STX3: variants seen among roughly 807,000 people sequenced by gnomAD.
The protein encoded by STX3 is syntaxin 3, also known as syntaxin-3.
In STX3, 19 loss-of-function variants were observed where a neutral mutation model predicts 40.2. The observed-to-expected ratio is 0.47, with a 90% CI of 0.33 to 0.69. The LOEUF (loss-of-function observed/expected upper bound fraction) is 0.69, where lower values mean the gene tolerates loss of function less well. STX3 is among the 30% of genes least tolerant of loss of function. STX3 has a pLI of 0.02. For synonymous variants in STX3, 122 were observed against 132.2 expected (o/e 0.92, Z 0.53); for missense variants, 364 against 366.7 (o/e 0.99, Z 0.06).
intron 1 of STX3, among the ~76,000 whole-genome samples, chr11:59,763,476 G>A (rs1258830749): frequency 2.0e-5 from 3 of 152,118 alleles, no homozygotes; most frequent in East Asian, 3.9e-4. Flanking sequence ...TTTTGTATCC[G>A]ACAAGCAGAA....
chr11:59,777,523 A>G (rs1864039963), intron 2 of STX3, among the ~76,000 whole-genome samples: 1 of 152,224 alleles, frequency 6.6e-6, no homozygotes. Context: ...TGGAGCCTTG[A>G]CCTGAATCTG....
chr11:59,803,327 C>G lies in STX3; in HGVS notation c.*2503C>G. The stretch of plus-strand genomic sequence containing the variant: ...TGAGCCATCTGTGGGGAGGGTCAGA[C>G]CTTCTTTCACTGACTTGAAACCTTT... On this transcript the variant is annotated 3_prime_UTR_variant, in exon 11 of 11. Coordinates refer to ENST00000337979, the MANE Select transcript of STX3 (RefSeq NM_004177.5). 1 of 1,219,822 alleles carries G rather than the reference C, an allele frequency of 8.2e-7. No individual in the cohort carries two copies. The highest frequency in any genetic ancestry group is 1.0e-6 in the Non-Finnish European group (1 of 977,230). The allele number at this position is 1,219,822 out of a possible 1,614,324, so 75.6% of individuals were successfully genotyped here. A position where few individuals can be genotyped will look rare whatever the true frequency, so the allele number is the denominator to read the frequency against.
chr11:59,771,179 C>T (rs1175148500), intron 1 of STX3, among the ~76,000 whole-genome samples: 1 of 127,444 alleles, frequency 7.8e-6, no homozygotes, highest in Non-Finnish European at 1.6e-5. Context: ...AATCCCAGCA[C>T]GTTGGGAAGC....
intron 2 of STX3, among the ~76,000 whole-genome samples, chr11:59,782,614 G>A (rs1015391433): frequency 6.6e-6 from 1 of 152,182 alleles, no homozygotes; most frequent in Non-Finnish European, 1.5e-5. Context: ...GAGAGATGGA[G>A]CAGAAACTGG....
At chr11:59,771,335 G>A (rs993392247) in intron 1 of STX3, among the ~76,000 whole-genome samples, 3 of 150,992 alleles carry the variant, frequency 2.0e-5, no homozygotes, top group African/African-American at 4.9e-5. Context: ...CTGTAATTGC[G>A]CCATTGCATT....
At chr11:59,800,154 T>G (rs1433188014) in intron 10 of STX3, 45 of 985,296 alleles carry the variant, frequency 4.6e-5, no homozygotes, top group Non-Finnish European at 5.2e-5. Flanking sequence ...GTTAAGCTGC[T>G]TTTTTTGTAG....
intron 2 of STX3, among the ~76,000 whole-genome samples, chr11:59,785,599 G>A (rs1311103993): frequency 6.6e-6 from 1 of 152,112 alleles, no homozygotes; most frequent in Non-Finnish European, 1.5e-5. Flanking sequence ...TCAAAGTGCT[G>A]GGATTACAGG....
At chr11:59,793,279 T>A (rs908449523) in intron 7 of STX3, 101 bp from the exon 8 acceptor site, 6 of 1,606,260 alleles carry the variant, frequency 3.7e-6, no homozygotes, top group East Asian at 2.2e-5. Flanking sequence ...GTGCAGGGAG[T>A]TCAGGGAGGC....
chr11:59,774,628 T>C (rs478167), intron 2 of STX3, among the ~76,000 whole-genome samples: 24,276 of 151,910 alleles, frequency 0.16, 3,649 homozygotes, highest in African/African-American at 0.39. Flanking sequence ...GTCAAGAGTT[T>C]GAGACCAGCC....
chr11:59,772,143 T>TAAAG (rs1278293077), intron 1 of STX3, among the ~76,000 whole-genome samples: 3 of 152,230 alleles, frequency 2.0e-5, no homozygotes, highest in Non-Finnish European at 1.5e-5. Context: ...GAGAGTGCTA[T>TAAAG]ATCTTGGACT....
At chr11:59,773,189 T>G (rs1342089045) in intron 1 of STX3, 22 bp from the exon 2 acceptor site, 2 of 1,613,008 alleles carry the variant, frequency 1.2e-6, no homozygotes. Flanking sequence ...AGCCTCACTC[T>G]GCTCTTTTTT....
At chr11:59,771,718 G>A (rs1464226983) in intron 1 of STX3, among the ~76,000 whole-genome samples, 1 of 152,104 alleles carries the variant, frequency 6.6e-6, no homozygotes, top group Admixed American at 6.6e-5. Flanking sequence ...TTGGTCTAGA[G>A]TGTGCATCAT....
At position 59,774,940 on chromosome 11, in the gene STX3, G is replaced by T. The variant is rs552619883; in HGVS notation, c.114+1646G>T. Among the ~76,000 whole-genome samples the T allele has an allele frequency of 2.0e-5, 3 of 152,270 alleles. No homozygotes were observed. The South Asian group carries it at 6.2e-4, about 32-fold the overall frequency. On this transcript the variant is annotated intron_variant, in intron 2 of 10. Transcript: ENST00000337979. ...ATAATTCAAAAAACAAAAACAAAAA[G>T]CTCACTATTGTTGAAGTTTCTGCCA...
At chr11:59,765,448 G>C (rs993149020) in intron 1 of STX3, among the ~76,000 whole-genome samples, 2 of 152,098 alleles carry the variant, frequency 1.3e-5, no homozygotes, top group African/African-American at 4.8e-5. Flanking sequence ...TTGTCTTTAG[G>C]AATCCCCAGA....
chr11:59,769,377 A>G (rs1863442338), intron 1 of STX3, among the ~76,000 whole-genome samples: 1 of 152,076 alleles, frequency 6.6e-6, no homozygotes, highest in Non-Finnish European at 1.5e-5. Flanking sequence ...TTAGGCGCTG[A>G]TGTATGCCTG....
At chr11:59,789,661 G>A (rs186831962) in intron 4 of STX3, among the ~76,000 whole-genome samples, 1 of 152,106 alleles carries the variant, frequency 6.6e-6, no homozygotes. Context: ...GGCTGGTCTC[G>A]AACTTTTCTG....
intron 2 of STX3, among the ~76,000 whole-genome samples, chr11:59,782,613 A>T (rs1007989569): frequency 6.6e-6 from 1 of 152,190 alleles, no homozygotes; most frequent in Admixed American, 6.5e-5. Context: ...AGAGAGATGG[A>T]GCAGAAACTG....
chr11:59,794,036 C>G (rs1865372716), intron 8 of STX3, among the ~76,000 whole-genome samples: 1 of 152,206 alleles, frequency 6.6e-6, no homozygotes, highest in East Asian at 1.9e-4. Flanking sequence ...GATCTTTTCT[C>G]TAGTTCACAG....
rs75867507 is a variant in STX3, at chr11:59,757,155, C to T, written c.30+1520C>T. On this transcript the variant is annotated intron_variant, in intron 1 of 10. Transcript: ENST00000337979. Reference sequence around the variant, plus strand: ...TTATAGATGGGGAAACTGCTGCTCACGGGGTAGGAGGGATGCTCCAGGACA... The same window carrying T: ...TTATAGATGGGGAAACTGCTGCTCATGGGGTAGGAGGGATGCTCCAGGACA... 8.2e-3 allele frequency among the ~76,000 whole-genome samples: 1,242 copies of T among 152,182 alleles called. 16 individuals carry two copies. The highest frequency in any genetic ancestry group is 0.028 in the African/African-American group (1,166 of 41,526).
Sources: allele counts gnomAD v4.1 joint callset (sites outside exome capture counted in the v4.1 genomes callset), GRCh38; gene constraint gnomAD v4.1.1; transcripts MANE v1.5; gene names NCBI Gene and HGNC (gene_info 2026-07-23, HGNC 2026-07-21).